AFF3: variants seen among roughly 807,000 people sequenced by gnomAD.
AFF3 encodes the protein ALF transcription elongation factor 3.
A neutral mutation model predicts 129.7 loss-of-function variants in AFF3; 32 were observed. The ratio of observed to expected loss-of-function variants is 0.25; its 90% CI spans 0.19 to 0.33. The LOEUF (loss-of-function observed/expected upper bound fraction) is 0.33. AFF3 is among the 10% of genes least tolerant of loss of function. The pLI is 1.00. For missense variants in AFF3, 1,373 were observed against 1,592.0 expected, an observed-to-expected ratio of 0.86 and a Z score of 2.34; for synonymous variants, 644 against 635.4, an observed-to-expected ratio of 1.01 and a Z score of -0.20.
At chr2:99,628,110 A>G (rs1324335505) in intron 13 of AFF3, among the ~76,000 whole-genome samples, 1 of 152,158 alleles carries the variant, frequency 6.6e-6, no homozygotes, top group Non-Finnish European at 1.5e-5. Context: ...AAGAATGTCA[A>G]TGGTAGTTTA....
At chr2:99,559,220 CTG>C (rs1675241903) in intron 21 of AFF3, among the ~76,000 whole-genome samples, 1 of 152,210 alleles carries the variant, frequency 6.6e-6, no homozygotes, top group African/African-American at 2.4e-5. Context: ...GTGAATCACT[CTG>C]TTGGGTCACA....
At chr2:100,099,972 G>C (rs919910047) in intron 4 of AFF3, among the ~76,000 whole-genome samples, 1 of 136,904 alleles carries the variant, frequency 7.3e-6, no homozygotes, top group African/African-American at 2.8e-5. Flanking sequence ...GCATTTGAAA[G>C]TCACTGCCCT....
At chr2:99,660,339 C>G (rs1686118255) in intron 12 of AFF3, among the ~76,000 whole-genome samples, 1 of 152,184 alleles carries the variant, frequency 6.6e-6, no homozygotes, top group South Asian at 2.1e-4. Context: ...AAATCTAAGT[C>G]TGGCTTTATG....
intron 8 of AFF3, 105 bp downstream of exon 8, chr2:99,837,372 T>G (rs765198069): frequency 8.9e-7 from 1 of 1,125,616 alleles, no homozygotes; most frequent in Non-Finnish European, 1.3e-6. Flanking sequence ...AAGGTAAATG[T>G]CAAACCACAG....
intron 7 of AFF3, among the ~76,000 whole-genome samples, chr2:99,985,222 G>A (rs1180456758): frequency 1.3e-5 from 2 of 152,192 alleles, no homozygotes; most frequent in East Asian, 1.9e-4. Context: ...ATAAGGCAAT[G>A]TCCAAACCTA....
chr2:99,906,844 TACACACACAC>T (rs56113249), intron 7 of AFF3, among the ~76,000 whole-genome samples: 1 of 146,344 alleles, frequency 6.8e-6, no homozygotes, highest in Non-Finnish European at 1.5e-5. Flanking sequence ...CTATCCATAT[TACACACACAC>T]ACACACACAC....
At chr2:99,907,635 CTTG>C (rs1361326657) in intron 7 of AFF3, among the ~76,000 whole-genome samples, 1 of 145,124 alleles carries the variant, frequency 6.9e-6, no homozygotes, top group Non-Finnish European at 1.5e-5. Flanking sequence ...TTTTTTTCTT[CTTG>C]TTGTTGTTTT....
chr2:99,815,349 T>C (rs1336456452), intron 8 of AFF3, among the ~76,000 whole-genome samples: 8 of 152,222 alleles, frequency 5.3e-5, no homozygotes, highest in Admixed American at 5.2e-4. Context: ...CATCCATCTG[T>C]AGAACTTCTC....
intron 1 of AFF3, among the ~76,000 whole-genome samples, chr2:100,142,196 A>G (rs975561388): frequency 1.3e-5 from 2 of 151,426 alleles, no homozygotes; most frequent in Non-Finnish European, 2.9e-5. Context: ...TGTCTTCTTT[A>G]TGTGCACCCT....
chr2:100,001,988 T>C (rs549385816), intron 7 of AFF3, among the ~76,000 whole-genome samples: 2 of 152,304 alleles, frequency 1.3e-5, no homozygotes, highest in South Asian at 4.1e-4. Context: ...TAACCATCCG[T>C]GCTGTTGCTA....
rs114236993 is a variant in AFF3 at position 99,960,376 on chromosome 2, C to A, written c.873+46256G>T. ...CTTTCTGGTCATAAATAACGTCACA[C>A]ATTCTTAACTGTTAAAAAAAAAAAG... On this transcript the variant is annotated intron_variant, in intron 7 of 24. Transcript: ENST00000672756. 7.5e-3 allele frequency among the ~76,000 whole-genome samples: 1,144 copies of A among 151,888 alleles called. 9 individuals are homozygous for A. The highest frequency in any genetic ancestry group is 0.012 in the Non-Finnish European group (848 of 67,952).
chr2:99,959,696 C>CAT (rs58551565), intron 7 of AFF3, among the ~76,000 whole-genome samples: 16,757 of 137,730 alleles, frequency 0.12, 979 homozygotes, highest in African/African-American at 0.15. Context: ...TAGTGTATAG[C>CAT]ATATATATAT....
chr2:100,016,686 ATGG>A (rs1203820766), intron 4 of AFF3, among the ~76,000 whole-genome samples: 25 of 135,688 alleles, frequency 1.8e-4, no homozygotes, highest in African/African-American at 6.8e-4. Flanking sequence ...ACTGGCAGTG[ATGG>A]TGGTGGTGGC....
rs377132556 is a variant in AFF3 at position 100,130,401 on chromosome 2, G to A, written c.-227-1095C>T. On this transcript the variant is annotated intron_variant, in intron 1 of 24. Transcript: ENST00000672756. ...CTCTGCGCAAAAGTAAGAGACACCC[G>A]CTCTGAAGAGTGCACCCCATGGGCA... Among the ~76,000 whole-genome samples, 156 of 152,246 alleles carry A rather than the reference G, an allele frequency of 1.0e-3. 4 individuals are homozygous for A. In the South Asian group the frequency reaches 0.029, roughly 28 times the overall value.
chr2:99,565,477 C>G lies in AFF3; in HGVS notation c.3119+10G>C, dbSNP rs752799321. On this transcript the variant is annotated intron_variant, in intron 20 of 24. Coordinates refer to ENST00000672756, the MANE Select transcript of AFF3 (RefSeq NM_001386135.1). ...CCTCCCCTCATCCAGCAAGAAAACA[C>G]GGTGCTTACCTGATGAGCTCTACTG... 1.9e-6 allele frequency: 3 copies of G among 1,609,378 alleles called. No individual in the cohort carries two copies. The highest frequency in any genetic ancestry group is 2.6e-6 in the Non-Finnish European group (3 of 1,176,198).
chr2:99,804,644 C>T (rs549328627), intron 8 of AFF3, among the ~76,000 whole-genome samples: 5 of 152,238 alleles, frequency 3.3e-5, no homozygotes, highest in African/African-American at 9.6e-5. Flanking sequence ...ACATGTTTAT[C>T]GCAGCACAAT....
intron 8 of AFF3, among the ~76,000 whole-genome samples, chr2:99,805,320 A>C (rs73964314): frequency 0.025 from 3,734 of 152,358 alleles, 90 homozygotes; most frequent in African/African-American, 0.061. Context: ...AGTTCAACTT[A>C]AAGAAGAAAC....
intron 8 of AFF3, among the ~76,000 whole-genome samples, chr2:99,764,993 A>C (rs1682893474): frequency 6.6e-6 from 1 of 152,212 alleles, no homozygotes; most frequent in Non-Finnish European, 1.5e-5. Flanking sequence ...CTGACACATC[A>C]CTGCGTCATT....
chr2:99,553,093 C>T (rs1420456440), intron 24 of AFF3, among the ~76,000 whole-genome samples: 59 of 152,166 alleles, frequency 3.9e-4, no homozygotes, highest in Non-Finnish European at 1.5e-5. Flanking sequence ...AGCACCACCA[C>T]ACCCGGCTAA....
Sources: gnomAD v4.1 joint callset for allele counts (sites outside exome capture counted in the v4.1 genomes callset) on GRCh38, gnomAD v4.1.1 for gene constraint, MANE v1.5 for transcripts, NCBI Gene and HGNC (gene_info 2026-07-23, HGNC 2026-07-21) for gene names.